Variants in ARHGEF28 observed in about 807,000 individuals in gnomAD.
ARHGEF28 encodes 190 kDa guanine nucleotide exchange factor.
A neutral mutation model predicts 206.6 loss-of-function variants in ARHGEF28; 152 were observed. The observed-to-expected ratio is 0.74, with a 90% CI of 0.64 to 0.84. The LOEUF (loss-of-function observed/expected upper bound fraction) is 0.84, where lower values mean the gene tolerates loss of function less well. Among genes scored for constraint, ARHGEF28 ranks in the 40% least tolerant of loss-of-function variants. The pLI is 0.00. For synonymous variants in ARHGEF28, 763 were observed against 776.4 expected, an observed-to-expected ratio of 0.98 and a Z score of 0.29; for missense variants, 2,028 against 2,073.2, an observed-to-expected ratio of 0.98 and a Z score of 0.42.
chr5:73,638,833 A>C (rs1014573965), intron 1 of ARHGEF28, among the ~76,000 whole-genome samples: 1 of 152,190 alleles, frequency 6.6e-6, no homozygotes, highest in African/African-American at 2.4e-5. Flanking sequence ...ATCACGTCTC[A>C]ATAATTTCCT....
At chr5:73,658,372 A>G (rs1489409555) in intron 1 of ARHGEF28, among the ~76,000 whole-genome samples, 3 of 152,160 alleles carry the variant, frequency 2.0e-5, no homozygotes, top group African/African-American at 4.8e-5. Flanking sequence ...AGCACAGGGT[A>G]GAAGGGGAGG....
chr5:73,853,128 A>G (rs1758804125), intron 14 of ARHGEF28, among the ~76,000 whole-genome samples: 1 of 152,236 alleles, frequency 6.6e-6, no homozygotes, highest in Admixed American at 6.5e-5. Flanking sequence ...TCAGCTGGAA[A>G]CAAAGAATAA....
At chr5:73,878,453 T>C (rs963814505) in intron 22 of ARHGEF28, among the ~76,000 whole-genome samples, 1 of 152,196 alleles carries the variant, frequency 6.6e-6, no homozygotes, top group Non-Finnish European at 1.5e-5. Flanking sequence ...ATGTGTGAAT[T>C]TGATCCTGTC....
chr5:73,772,946 C>A (rs1188807542), intron 4 of ARHGEF28, among the ~76,000 whole-genome samples: 1 of 152,146 alleles, frequency 6.6e-6, no homozygotes, highest in Non-Finnish European at 1.5e-5. Context: ...TTAATATGGA[C>A]AGGAAACTGT....
chr5:73,729,964 G>T (rs1750510187), intron 2 of ARHGEF28, among the ~76,000 whole-genome samples: 1 of 152,168 alleles, frequency 6.6e-6, no homozygotes, highest in Non-Finnish European at 1.5e-5. Context: ...CATTTATAAG[G>T]TGGGAATAAC....
At chr5:73,727,376 C>G (rs1420374463) in intron 2 of ARHGEF28, among the ~76,000 whole-genome samples, 1 of 152,164 alleles carries the variant, frequency 6.6e-6, no homozygotes, top group Non-Finnish European at 1.5e-5. Context: ...TTGTGATTCT[C>G]TGAATATACA....
Position 73,873,095 on chromosome 5 carries a change from G to A in ARHGEF28, c.2663G>A (p.Ser888Asn). Residue 888 changes from serine to asparagine, a missense_variant, in exon 22 of 36, where the codon AGC (serine) becomes AAC (asparagine). Ser to Asn is a conservative substitution (Grantham distance 46). This residue lies in a region of ARHGEF28 where 223 missense variants were observed against 289.9 expected (regional missense o/e 0.77). Transcript: ENST00000513042. ...AAAGAGGAGCTGCAGCTGGACCACA[G>A]CACCGTGGATAAAATTTTCCCCTGT... ...GMKEELQLDH[S>N]TVDKIFPCLD... The A allele has an allele frequency of 6.2e-7, 1 of 1,613,302 alleles. No individual in the cohort carries two copies. The highest frequency in any genetic ancestry group is 8.5e-7 in the Non-Finnish European group (1 of 1,179,600).
intron 2 of ARHGEF28, among the ~76,000 whole-genome samples, chr5:73,714,469 T>A (rs574966502): frequency 6.6e-6 from 1 of 152,176 alleles, no homozygotes; most frequent in Non-Finnish European, 1.5e-5. Flanking sequence ...CAGTGATAAT[T>A]CTTCTATCCT....
intron 35 of ARHGEF28, among the ~76,000 whole-genome samples, chr5:73,914,395 T>C (rs1331149926): frequency 3.9e-5 from 2 of 51,330 alleles, no homozygotes; most frequent in Non-Finnish European, 3.9e-5. Context: ...GAATTGCTTT[T>C]TTTTTTTTTT....
chr5:73,938,717 A>G (rs1405436426), intron 35 of ARHGEF28, among the ~76,000 whole-genome samples: 3 of 152,198 alleles, frequency 2.0e-5, no homozygotes, highest in Admixed American at 6.5e-5. Context: ...ATGGCTGGGA[A>G]AAGGAATTGG....
intron 4 of ARHGEF28, among the ~76,000 whole-genome samples, chr5:73,766,299 A>G (rs887174460): frequency 2.0e-5 from 3 of 152,248 alleles, no homozygotes; most frequent in African/African-American, 4.8e-5. Flanking sequence ...ACTTGTATTG[A>G]AAAATATTAT....
intron 10 of ARHGEF28, among the ~76,000 whole-genome samples, chr5:73,835,921 G>T (rs1757602436): frequency 6.6e-6 from 1 of 152,178 alleles, no homozygotes. Flanking sequence ...CATGTCGGGG[G>T]AAAACCCCAC....
intron 1 of ARHGEF28, among the ~76,000 whole-genome samples, chr5:73,680,434 CA>C (rs71615795): frequency 0.057 from 1,747 of 30,432 alleles, 11 homozygotes; most frequent in African/African-American, 0.18. Flanking sequence ...GACTCCATCT[CA>C]AAAAAAAAAA....
intron 9 of ARHGEF28, among the ~76,000 whole-genome samples, chr5:73,805,986 C>G (rs1755411684): frequency 1.3e-5 from 2 of 151,206 alleles, no homozygotes; most frequent in African/African-American, 4.8e-5. Flanking sequence ...ATTTATTAAA[C>G]TATTTGTTAA....
chr5:73,779,746 C>T (rs1250849155), intron 6 of ARHGEF28, among the ~76,000 whole-genome samples: 1 of 152,174 alleles, frequency 6.6e-6, no homozygotes, highest in African/African-American at 2.4e-5. Flanking sequence ...TAGAAGAGAA[C>T]ACAGTGTCCT....
At chr5:73,744,519 T>C (rs1751614062) in intron 2 of ARHGEF28, among the ~76,000 whole-genome samples, 1 of 151,166 alleles carries the variant, frequency 6.6e-6, no homozygotes, top group Admixed American at 6.6e-5. Flanking sequence ...GTACACTTGT[T>C]CTACAGGAAA....
chr5:73,667,089 C>T lies in ARHGEF28; in HGVS notation c.-11-17752C>T, dbSNP rs184606632. ...GCAGCATCAGGTAGTTGGTTGATAT[C>T]AGTGGTGGAGTCTTTTGAAAGAGCT... On this transcript the variant is annotated intron_variant, in intron 1 of 35. Transcript: ENST00000513042. Among the ~76,000 whole-genome samples, 3 of 152,282 alleles carry T rather than the reference C, an allele frequency of 2.0e-5. No individual in the cohort carries two copies. The East Asian group carries it at 5.8e-4, about 29-fold the overall frequency.
intron 2 of ARHGEF28, among the ~76,000 whole-genome samples, chr5:73,741,717 C>A (rs867299334): frequency 6.6e-6 from 1 of 151,894 alleles, no homozygotes; most frequent in Middle Eastern, 3.4e-3. Context: ...CTGCACCTGG[C>A]CTGTGTGTTT....
At position 73,773,940 on chromosome 5, in the gene ARHGEF28, G is replaced by T. The variant is rs565461504; in HGVS notation, c.561G>T (p.Gly187=). Residue 187 remains glycine (G), a synonymous_variant, in exon 5 of 36, where the codon GGG becomes GGT. Transcript: ENST00000513042. The stretch of plus-strand genomic sequence containing the variant: ...CCCAGTTCTTCTTGTGTCTCCCGGG[G>T]GGAGTCCAGGCCTTGGCTTTACCCA... ...KLSQFFLCLP[G]GVQALALPNE... The T allele has an allele frequency of 2.1e-5, 33 of 1,607,716 alleles. No individual in the cohort carries two copies. The South Asian group carries it at 3.2e-4, about 16-fold the overall frequency.
Sources: allele counts gnomAD v4.1 joint callset (sites outside exome capture counted in the v4.1 genomes callset), GRCh38; gene constraint gnomAD v4.1.1; regional missense constraint gnomAD v4.1.1; transcripts MANE v1.5; gene names NCBI Gene and HGNC (gene_info 2026-07-23, HGNC 2026-07-21).